WDPCP: variants seen among roughly 807,000 people sequenced by gnomAD.
WDPCP encodes WD repeat-containing and planar cell polarity effector protein fritz homolog.
A neutral mutation model predicts 93.1 loss-of-function variants in WDPCP; 71 were observed. The observed-to-expected ratio is 0.76, with a 90% CI of 0.63 to 0.93. The LOEUF (loss-of-function observed/expected upper bound fraction) is 0.93, where lower values mean the gene tolerates loss of function less well. Ranked by LOEUF, WDPCP falls within the 40% of genes least tolerant of loss-of-function variation. The pLI, the probability that WDPCP is intolerant of heterozygous loss-of-function variation, is 0.00. For synonymous variants in WDPCP, 315 were observed against 315.0 expected, an observed-to-expected ratio of 1.00 and a Z score of 0.00; for missense variants, 844 against 887.4, an observed-to-expected ratio of 0.95 and a Z score of 0.62.
At chr2:63,620,447 C>T (rs1191748820) in intron 3 of WDPCP, among the ~76,000 whole-genome samples, 3 of 152,212 alleles carry the variant, frequency 2.0e-5, no homozygotes, top group Admixed American at 2.0e-4. Context: ...CTTGGCAAAG[C>T]CACTGTAACC....
chr2:63,586,491 A>G (rs1708852348), intron 1 of WDPCP, among the ~76,000 whole-genome samples: 1 of 152,216 alleles, frequency 6.6e-6, no homozygotes, highest in Non-Finnish European at 1.5e-5. Flanking sequence ...ACTTGACATT[A>G]GCTATTACCA....
At chr2:63,795,535 AAGAG>A (rs141446118) in intron 2 of WDPCP, among the ~76,000 whole-genome samples, 6,787 of 151,542 alleles carry the variant, frequency 0.045, 266 homozygotes, top group African/African-American at 0.095. Context: ...GAGAAAGAGA[AAGAG>A]AAAGAGAGAG....
chr2:63,171,328 A>G (rs1673376285), intron 15 of WDPCP, among the ~76,000 whole-genome samples: 1 of 152,238 alleles, frequency 6.6e-6, no homozygotes, highest in Admixed American at 6.5e-5. Context: ...TGTATTCAGA[A>G]TACATAGAAG....
intron 14 of WDPCP, among the ~76,000 whole-genome samples, chr2:63,221,122 T>C (rs1040633456): frequency 2.0e-4 from 31 of 152,232 alleles, no homozygotes; most frequent in African/African-American, 7.5e-4. Flanking sequence ...TTTGGGTTGA[T>C]TCCATGTCTT....
At chr2:63,232,930 G>C in intron 14 of WDPCP, 1 of 190,882 alleles carries the variant, frequency 5.2e-6, no homozygotes, top group South Asian at 1.1e-4. Flanking sequence ...GGAGGAAGTG[G>C]TGGTGGTGGA....
rs370479356 is a variant in WDPCP at position 63,602,934 on chromosome 2, C to CTTTTT, written n.488+47720_488+47724dup. On this transcript the variant is annotated intron_variant and non_coding_transcript_variant, in intron 3 of 4. Coordinates refer to the WDPCP transcript ENST00000467687. ...ACATAATACAGTTTATTTAACCGTTCTTTTTTTTTTTTTTTTTTTTTTTTT... is the reference window on the plus strand; with the variant it reads ...ACATAATACAGTTTATTTAACCGTTCTTTTTTTTTTTTTTTTTTTTTTTTTTTTTT... Among the ~76,000 whole-genome samples, 1,071 of 131,090 alleles carry CTTTTT rather than the reference C, an allele frequency of 8.2e-3. 56 individuals carry two copies. Among genetic ancestry groups the CTTTTT allele is most frequent in the Non-Finnish European group, 0.015 (867 of 59,226 alleles). The allele number at this position is 131,090 out of a possible 152,430, so 86.0% of individuals were successfully genotyped here. A position where few individuals can be genotyped will look rare whatever the true frequency, so the allele number is the denominator to read the frequency against.
intron 6 of WDPCP, among the ~76,000 whole-genome samples, chr2:63,468,624 G>C (rs969470731): frequency 3.3e-5 from 5 of 152,138 alleles, no homozygotes; most frequent in Non-Finnish European, 7.4e-5. Flanking sequence ...CACTTAGAAA[G>C]AAATATGAAG....
At chr2:63,650,603 G>A (rs1015354133) in intron 3 of WDPCP, 2 of 152,230 alleles carry the variant, frequency 1.3e-5, no homozygotes, top group African/African-American at 2.4e-5. Context: ...GAAGCTGTGA[G>A]TAAAAATTGG....
chr2:63,665,731 A>C (rs1490925518), intron 2 of WDPCP, among the ~76,000 whole-genome samples: 1 of 152,264 alleles, frequency 6.6e-6, no homozygotes, highest in African/African-American at 2.4e-5. Flanking sequence ...TTTCAGTAGC[A>C]TGGTGCTGGT....
intron 13 of WDPCP, among the ~76,000 whole-genome samples, chr2:63,303,781 G>C (rs142703534): frequency 1.3e-5 from 2 of 152,044 alleles, no homozygotes; most frequent in African/African-American, 4.8e-5. Context: ...AAACAACCCA[G>C]CAAGAGAAAA....
intron 12 of WDPCP, among the ~76,000 whole-genome samples, chr2:63,365,242 C>T (rs143576764): frequency 1.2e-4 from 18 of 152,258 alleles, no homozygotes; most frequent in African/African-American, 4.3e-4. Flanking sequence ...GCTGACCTAG[C>T]AAGGTCTCTT....
chr2:63,778,976 G>A (rs1670346967), intron 2 of WDPCP, among the ~76,000 whole-genome samples: 1 of 151,852 alleles, frequency 6.6e-6, no homozygotes, highest in Non-Finnish European at 1.5e-5. Context: ...CCTAGATTTT[G>A]GCATACATCC....
At chr2:63,709,824 T>C (rs961028073) in intron 2 of WDPCP, among the ~76,000 whole-genome samples, 1 of 152,174 alleles carries the variant, frequency 6.6e-6, no homozygotes, top group African/African-American at 2.4e-5. Flanking sequence ...AGAGTTACAA[T>C]AAAATGTTTG....
At chr2:63,596,215 G>T (rs1709309766) in intron 3 of WDPCP, among the ~76,000 whole-genome samples, 1 of 152,024 alleles carries the variant, frequency 6.6e-6, no homozygotes, top group African/African-American at 2.4e-5. Flanking sequence ...CTTTCTTTTG[G>T]TAAGGATTAA....
intron 2 of WDPCP, among the ~76,000 whole-genome samples, chr2:63,749,452 T>C (rs974725987): frequency 6.6e-6 from 1 of 152,134 alleles, no homozygotes; most frequent in South Asian, 2.1e-4. Flanking sequence ...AAAGGTGATG[T>C]GCATTCAGTA....
intron 13 of WDPCP, among the ~76,000 whole-genome samples, chr2:63,293,159 CTCATTACCCCCT>C (rs1464895133): frequency 2.6e-5 from 4 of 152,304 alleles, no homozygotes; most frequent in African/African-American, 9.6e-5. Context: ...GAGCTGTGCT[CTCATTACCCCCT>C]TCATTTTTCT....
intron 6 of WDPCP, among the ~76,000 whole-genome samples, chr2:63,463,682 C>T (rs1439325832): frequency 6.6e-6 from 1 of 152,142 alleles, no homozygotes; most frequent in Non-Finnish European, 1.5e-5. Context: ...AGGAATAAAT[C>T]CTCACATAAA....
At chr2:63,528,093 T>C (rs933208961) in intron 1 of WDPCP, among the ~76,000 whole-genome samples, 1 of 152,172 alleles carries the variant, frequency 6.6e-6, no homozygotes, top group Non-Finnish European at 1.5e-5. Context: ...TAAATTTGAG[T>C]TCTTTGTAGA....
intron 13 of WDPCP, among the ~76,000 whole-genome samples, chr2:63,273,143 C>CTGCTT (rs1168399800): frequency 6.6e-6 from 1 of 152,044 alleles, no homozygotes; most frequent in Non-Finnish European, 1.5e-5. Flanking sequence ...CCCAGAAAAG[C>CTGCTT]TGCTTTTCAA....
Sources: gnomAD v4.1 joint callset for allele counts (sites outside exome capture counted in the v4.1 genomes callset) on GRCh38, gnomAD v4.1.1 for gene constraint, MANE v1.5 for transcripts, NCBI Gene and HGNC (gene_info 2026-07-23, HGNC 2026-07-21) for gene names.